The following SMYD3 variants were observed in gnomAD, a reference collection of about 807,000 sequenced individuals.
SMYD3 encodes SET and MYND domain containing 3, also known as histone-lysine N-methyltransferase SMYD3.
SMYD3 carries 36 observed loss-of-function variants against 57.7 expected under a neutral mutation model. The ratio of observed to expected loss-of-function variants is 0.62; its 90% CI spans 0.48 to 0.82. The LOEUF (loss-of-function observed/expected upper bound fraction) is 0.82. Among genes scored for constraint, SMYD3 ranks in the 40% least tolerant of loss-of-function variants. The pLI is 0.00. For missense variants in SMYD3, 515 were observed against 538.8 expected (o/e 0.96, Z 0.44); for synonymous variants, 211 against 195.0 (o/e 1.08, Z -0.68).
At chr1:246,415,817 A>G (rs1186688822) in intron 1 of SMYD3, among the ~76,000 whole-genome samples, 2 of 152,138 alleles carry the variant, frequency 1.3e-5, no homozygotes, top group African/African-American at 4.8e-5. Flanking sequence ...GAGCACCACT[A>G]GTCTATATAG....
chr1:245,919,479 T>G (rs1399672728), intron 7 of SMYD3, among the ~76,000 whole-genome samples: 1 of 152,222 alleles, frequency 6.6e-6, no homozygotes, highest in Non-Finnish European at 1.5e-5. Context: ...CCTCTTCCTA[T>G]GGCGACTGCC....
At chr1:245,939,631 GAAAT>G (rs5782377) in intron 5 of SMYD3, among the ~76,000 whole-genome samples, 1 of 150,932 alleles carries the variant, frequency 6.6e-6, no homozygotes, top group African/African-American at 2.4e-5. Context: ...GTCTCAGGAA[GAAAT>G]AAATAAATAA....
At chr1:246,248,643 T>TTTTTTTTG (rs2063748547) in intron 5 of SMYD3, among the ~76,000 whole-genome samples, 1 of 130,600 alleles carries the variant, frequency 7.7e-6, no homozygotes, top group Non-Finnish European at 1.6e-5. Context: ...TTCCTTTTTT[T>TTTTTTTTG]TTTTTTTTTT....
intron 5 of SMYD3, among the ~76,000 whole-genome samples, chr1:245,931,361 G>T (rs139281831): frequency 1.3e-5 from 2 of 152,172 alleles, no homozygotes; most frequent in Non-Finnish European, 2.9e-5. Flanking sequence ...TACTTACTGC[G>T]GGACGGCTTG....
At chr1:246,311,739 G>A (rs910179052) in intron 5 of SMYD3, among the ~76,000 whole-genome samples, 3 of 152,182 alleles carry the variant, frequency 2.0e-5, no homozygotes, top group East Asian at 1.9e-4. Flanking sequence ...ACCCTCCTTC[G>A]TGTATATGAG....
Position 246,266,793 on chromosome 1 carries a change from G to C in SMYD3, c.531+60408C>G, listed in dbSNP as rs191631589. ...GCCGAAAGAAAGACAGAAAGAAAGA[G>C]AGAAAGAGAGAGAGAGAAGAGAAAG... On this transcript the variant is annotated intron_variant, in intron 5 of 11. Coordinates refer to ENST00000490107, the MANE Select transcript of SMYD3 (RefSeq NM_001167740.2). 4.7e-3 allele frequency among the ~76,000 whole-genome samples: 633 copies of C among 135,040 alleles called. 3 individuals carry two copies. Among genetic ancestry groups the C allele is most frequent in the African/African-American group, 0.015 (580 of 39,940 alleles). 88.6% of individuals were successfully genotyped at this position (135,040 alleles called of 152,430 possible). A position where few individuals can be genotyped will look rare whatever the true frequency, so the allele number is the denominator to read the frequency against.
At chr1:245,788,765 C>T (rs759894230) in intron 10 of SMYD3, 2 of 152,284 alleles carry the variant, frequency 1.3e-5, no homozygotes, top group Non-Finnish European at 2.9e-5. Context: ...TCCCCACTCC[C>T]ACATTCTTCG....
chr1:246,499,386 C>A (rs2068421504), intron 1 of SMYD3, among the ~76,000 whole-genome samples: 1 of 134,986 alleles, frequency 7.4e-6, no homozygotes, highest in Admixed American at 7.9e-5. Context: ...TTTTAAGTAA[C>A]CAAACCATCA....
chr1:246,008,723 T>C (rs1426647771), intron 5 of SMYD3, among the ~76,000 whole-genome samples: 1 of 152,124 alleles, frequency 6.6e-6, no homozygotes, highest in African/African-American at 2.4e-5. Flanking sequence ...CAAAGCTTGG[T>C]GCTGGCAATT....
chr1:245,863,706 T>G, intron 9 of SMYD3, 93 bp downstream of exon 9: 3 of 1,178,862 alleles, frequency 2.5e-6, no homozygotes, highest in South Asian at 2.7e-5. Flanking sequence ...CATGGAGAGG[T>G]CAAACCCCGC....
At chr1:246,483,088 A>G (rs929834178) in intron 1 of SMYD3, among the ~76,000 whole-genome samples, 3 of 152,234 alleles carry the variant, frequency 2.0e-5, no homozygotes, top group African/African-American at 4.8e-5. Context: ...TTTACTGTTC[A>G]TAACAACAAA....
At chr1:246,219,108 T>C (rs1289683498) in intron 5 of SMYD3, among the ~76,000 whole-genome samples, 1 of 152,180 alleles carries the variant, frequency 6.6e-6, no homozygotes, top group Non-Finnish European at 1.5e-5. Context: ...AGAGAAATTC[T>C]AGGCAGAAAA....
At chr1:246,113,181 C>CAAAA (rs1553292491) in intron 5 of SMYD3, among the ~76,000 whole-genome samples, 4 of 129,164 alleles carry the variant, frequency 3.1e-5, no homozygotes, top group South Asian at 2.4e-4. Flanking sequence ...GACTCTGTCT[C>CAAAA]AAAAAATAAA....
Position 245,827,184 on chromosome 1 carries a change from A to C in SMYD3, c.1076+31312T>G, listed in dbSNP as rs112125460. ...CCCAGGGAGATTAAACGGCACGTTC[A>C]AGGCCACACTGCTTCCAAGTGCAGC... is the stretch of plus-strand genomic sequence containing the variant. On this transcript the variant is annotated intron_variant, in intron 10 of 11. Transcript: ENST00000490107. Among the ~76,000 whole-genome samples the C allele has an allele frequency of 1.1e-4, 17 of 152,288 alleles. 3 individuals carry two copies. The highest frequency in any genetic ancestry group is 4.1e-4 in the African/African-American group (17 of 41,552).
At chr1:246,429,606 C>A (rs577868636) in intron 1 of SMYD3, among the ~76,000 whole-genome samples, 1 of 152,294 alleles carries the variant, frequency 6.6e-6, no homozygotes, top group African/African-American at 2.4e-5. Context: ...AGCAATCAAC[C>A]CTGCTGTGTT....
chr1:246,076,699 C>A (rs1377307337), intron 5 of SMYD3, among the ~76,000 whole-genome samples: 1 of 147,608 alleles, frequency 6.8e-6, no homozygotes, highest in African/African-American at 2.5e-5. Flanking sequence ...TAGATTAATT[C>A]AATTCTCTTC....
At chr1:246,093,337 T>C (rs1300619725) in intron 5 of SMYD3, among the ~76,000 whole-genome samples, 1 of 152,166 alleles carries the variant, frequency 6.6e-6, no homozygotes, top group African/African-American at 2.4e-5. Flanking sequence ...CACAGCACTA[T>C]TCACAACAGT....
At chr1:246,172,600 A>G (rs1364211843) in intron 5 of SMYD3, among the ~76,000 whole-genome samples, 1 of 150,216 alleles carries the variant, frequency 6.7e-6, no homozygotes, top group Non-Finnish European at 1.5e-5. Context: ...TGTAGACTTT[A>G]TCAACACTAC....
chr1:246,420,204 A>G (rs2067122490), intron 1 of SMYD3, among the ~76,000 whole-genome samples: 1 of 152,126 alleles, frequency 6.6e-6, no homozygotes, highest in Non-Finnish European at 1.5e-5. Context: ...CTCAAAAAAA[A>G]AAAAAAAGTC....
Sources: allele counts gnomAD v4.1 joint callset (sites outside exome capture counted in the v4.1 genomes callset), GRCh38; gene constraint gnomAD v4.1.1; transcripts MANE v1.5; gene names NCBI Gene and HGNC (gene_info 2026-07-23, HGNC 2026-07-21).